The following SYNE1 variants were observed in gnomAD, a reference collection of about 807,000 sequenced individuals.
The protein encoded by SYNE1 is nesprin-1.
Under a neutral mutation model 1,111.0 loss-of-function variants are expected in SYNE1, and 616 were observed. The ratio of observed to expected loss-of-function variants is 0.55; its 90% CI spans 0.52 to 0.59. The LOEUF is 0.59. Ranked by LOEUF, SYNE1 falls within the 20% of genes least tolerant of loss-of-function variation. The pLI is 0.00. For missense variants in SYNE1, 10,006 were observed against 10,417.0 expected, an observed-to-expected ratio of 0.96 and a Z score of 1.72; for synonymous variants, 3,855 against 3,825.8, an observed-to-expected ratio of 1.01 and a Z score of -0.28.
chr6:152,618,093 T>C (rs767591183), intron 3 of SYNE1, among the ~76,000 whole-genome samples: 1 of 152,206 alleles, frequency 6.6e-6, no homozygotes, highest in Non-Finnish European at 1.5e-5. Flanking sequence ...TGTTGTGTTT[T>C]GAAAGATCTT....
chr6:152,494,577 C>A (rs1042645270), intron 11 of SYNE1, among the ~76,000 whole-genome samples: 1 of 152,172 alleles, frequency 6.6e-6, no homozygotes, highest in Non-Finnish European at 1.5e-5. Flanking sequence ...TCTCAGCAAG[C>A]CAAACTCATT....
At chr6:152,613,221 G>A (rs113562400) in intron 3 of SYNE1, among the ~76,000 whole-genome samples, 1 of 152,196 alleles carries the variant, frequency 6.6e-6, no homozygotes, top group South Asian at 2.1e-4. Flanking sequence ...CCTGTTTGCA[G>A]ATGACATGAT....
chr6:152,538,701 C>T (rs917031071), intron 4 of SYNE1, among the ~76,000 whole-genome samples: 4 of 151,574 alleles, frequency 2.6e-5, no homozygotes, highest in Admixed American at 6.6e-5. Context: ...ATGGGACCAA[C>T]GGAAGCTTTA....
chr6:152,552,822 C>T (rs9322379), intron 3 of SYNE1, among the ~76,000 whole-genome samples: 39,221 of 151,904 alleles, frequency 0.26, 6,360 homozygotes, highest in East Asian at 0.59. Flanking sequence ...TCTAGCGTGG[C>T]GTTAGTGACC....
chr6:152,235,994 T>C, intron 110 of SYNE1, 113 bp downstream of exon 110: 2 of 1,202,412 alleles, frequency 1.7e-6, no homozygotes, highest in Non-Finnish European at 2.5e-6. Context: ...CCTCCCGTAT[T>C]GGCCACCCAA....
At chr6:152,406,275 CA>C (rs977672574) in intron 45 of SYNE1, among the ~76,000 whole-genome samples, 1 of 152,012 alleles carries the variant, frequency 6.6e-6, no homozygotes, top group Non-Finnish European at 1.5e-5. Flanking sequence ...CACTACCTGG[CA>C]TAATAAGAGC....
Position 152,122,523 on chromosome 6 carries a change from C to T in SYNE1, c.26307G>A (p.Glu8769=), listed in dbSNP as rs760376988. 6.2e-7 allele frequency: 1 copy of T among 1,614,186 alleles called. No homozygotes were observed. Among genetic ancestry groups the T allele is most frequent in the Non-Finnish European group, 8.5e-7 (1 of 1,180,034 alleles). ...TGGAGAGGGCACAGCTGTAGTCTTC[C>T]TCTGACATTGGTACAAGGCAGGCAA... ...IGLACLVPMS[E]EDYSCALSNN... is the part of the protein sequence containing the mutation. Residue 8769 remains glutamate, a synonymous_variant, in exon 146 of 146, where the codon GAG becomes GAA. Coordinates refer to ENST00000367255, the MANE Select transcript of SYNE1 (RefSeq NM_182961.4).
intron 3 of SYNE1, among the ~76,000 whole-genome samples, chr6:152,583,975 G>A (rs537693388): frequency 9.8e-5 from 15 of 152,298 alleles, no homozygotes; most frequent in African/African-American, 3.4e-4. Flanking sequence ...GCATCTTTGC[G>A]ATGGATTTAG....
chr6:152,381,270 C>A lies in SYNE1; in HGVS notation c.8745G>T (p.Gly2915=), dbSNP rs533882082. ...GCATCTCCGTGTGCATGAGCTCACACCCACTGGCAGTTGTGTTCTGTTTCA... is the reference window on the plus strand; with the variant it reads ...GCATCTCCGTGTGCATGAGCTCACAACCACTGGCAGTTGTGTTCTGTTTCA... ...PEVKQNTTAS[G]CELMHTEMQA... is the part of the protein sequence containing the mutation. Residue 2915 remains glycine, a synonymous_variant, in exon 56 of 146, where the codon GGG becomes GGT. Coordinates refer to ENST00000367255, the MANE Select transcript of SYNE1 (RefSeq NM_182961.4). 8 of 1,614,228 alleles carry A rather than the reference C, an allele frequency of 5.0e-6. No individual in the cohort carries two copies. Among genetic ancestry groups the A allele is most frequent in the Non-Finnish European group, 6.8e-6 (8 of 1,180,046 alleles).
At chr6:152,419,021 C>T (rs891883877) in intron 40 of SYNE1, among the ~76,000 whole-genome samples, 1 of 152,140 alleles carries the variant, frequency 6.6e-6, no homozygotes, top group Non-Finnish European at 1.5e-5. Flanking sequence ...GACTCCCATA[C>T]AATATGCACA....
intron 32 of SYNE1, among the ~76,000 whole-genome samples, chr6:152,438,890 G>A (rs147007689): frequency 0.018 from 2,694 of 152,202 alleles, 35 homozygotes; most frequent in Non-Finnish European, 0.02. Flanking sequence ...TCTGTTTTTT[G>A]AATGAAAAAA....
chr6:152,493,531 T>G (rs2154308686), intron 11 of SYNE1, among the ~76,000 whole-genome samples: 1 of 152,278 alleles, frequency 6.6e-6, no homozygotes, highest in East Asian at 1.9e-4. Flanking sequence ...TTACTTTCTT[T>G]CTGTCCATCT....
chr6:152,267,409 T>C (rs1214193754), intron 100 of SYNE1, among the ~76,000 whole-genome samples: 3 of 152,258 alleles, frequency 2.0e-5, no homozygotes, highest in Non-Finnish European at 4.4e-5. Flanking sequence ...TAGTGGATTA[T>C]TATTCTAAAT....
At chr6:152,298,543 G>A (rs1204177875) in intron 93 of SYNE1, among the ~76,000 whole-genome samples, 1 of 151,954 alleles carries the variant, frequency 6.6e-6, no homozygotes, top group Non-Finnish European at 1.5e-5. Flanking sequence ...TCTACTTGCA[G>A]GAACAGCAGG....
At chr6:152,515,041 G>C (rs935577357) in intron 6 of SYNE1, among the ~76,000 whole-genome samples, 1 of 152,046 alleles carries the variant, frequency 6.6e-6, no homozygotes, top group Non-Finnish European at 1.5e-5. Context: ...GGCCAATGTG[G>C]TGAAACTCTG....
intron 6 of SYNE1, 144 bp from the exon 7 acceptor site, chr6:152,511,247 C>A (rs976472468): frequency 8.1e-6 from 6 of 743,740 alleles, no homozygotes; most frequent in Non-Finnish European, 1.4e-5. Flanking sequence ...GAGTGAGGCA[C>A]CGAAACAAAC....
intron 3 of SYNE1, among the ~76,000 whole-genome samples, chr6:152,613,282 T>C (rs2099637116): frequency 6.6e-6 from 1 of 152,208 alleles, no homozygotes; most frequent in Non-Finnish European, 1.5e-5. Context: ...CTTAAGCTGA[T>C]AAGCAACTTC....
chr6:152,232,546 T>G (rs2083021143), intron 112 of SYNE1, among the ~76,000 whole-genome samples: 1 of 152,238 alleles, frequency 6.6e-6, no homozygotes, highest in Admixed American at 6.5e-5. Context: ...ATATTATTCT[T>G]ATTTTATAAC....
intron 14 of SYNE1, among the ~76,000 whole-genome samples, chr6:152,479,506 T>G (rs2154290470): frequency 6.6e-6 from 1 of 152,332 alleles, no homozygotes; most frequent in African/African-American, 2.4e-5. Context: ...TTAAGCCTAG[T>G]GCTGAAGACA....
Sources: gnomAD v4.1 joint callset for allele counts (sites outside exome capture counted in the v4.1 genomes callset) on GRCh38, gnomAD v4.1.1 for gene constraint, MANE v1.5 for transcripts, NCBI Gene and HGNC (gene_info 2026-07-23, HGNC 2026-07-21) for gene names.